EML6: variants seen among roughly 807,000 people sequenced by gnomAD.
The protein encoded by EML6 is EMAP like 6, also known as echinoderm microtubule-associated protein-like 6.
Under a neutral mutation model 240.1 loss-of-function variants are expected in EML6, and 154 were observed. The observed-to-expected ratio is 0.64, with a 90% confidence interval of 0.56 to 0.73. EML6 has a LOEUF of 0.73. EML6 is among the 30% of genes least tolerant of loss of function. The probability of loss-of-function intolerance (pLI) is 0.00; values close to 1 mark genes in which losing one functional copy is unlikely to be tolerated. For synonymous variants in EML6, 1,148 were observed against 899.0 expected (o/e 1.28, Z -4.95); for missense variants, 2,964 against 2,474.6 (o/e 1.20, Z -4.20).
intron 10 of EML6, among the ~76,000 whole-genome samples, chr2:54,851,419 A>C (rs372219968): frequency 6.6e-6 from 1 of 152,134 alleles, no homozygotes; most frequent in Non-Finnish European, 1.5e-5. Flanking sequence ...TCTCAAAATA[A>C]ATAAATAATA....
chr2:54,922,580 T>G (rs990522553), intron 26 of EML6, among the ~76,000 whole-genome samples: 6 of 148,628 alleles, frequency 4.0e-5, no homozygotes, highest in Non-Finnish European at 9.0e-5. Context: ...CTTGAAGAGA[T>G]ATCTACACCA....
At chr2:54,942,028 T>C (rs947397619) in intron 28 of EML6, among the ~76,000 whole-genome samples, 2 of 152,254 alleles carry the variant, frequency 1.3e-5, no homozygotes, top group South Asian at 4.1e-4. Flanking sequence ...ATTCGTTGAT[T>C]TTTTTCTAAG....
rs1668748800 is a variant in EML6 at position 54,829,326 on chromosome 2, C to G, written c.712-16C>G. 1 of 1,550,102 alleles carries G rather than the reference C, an allele frequency of 6.5e-7. No individual in the cohort carries two copies. Among genetic ancestry groups the G allele is most frequent in the Non-Finnish European group, 8.7e-7 (1 of 1,146,112 alleles). On this transcript the variant is annotated splice_polypyrimidine_tract_variant and intron_variant, in intron 6 of 41. Transcript: ENST00000356458. The stretch of plus-strand genomic sequence containing the variant: ...GGATGGTTGCACCATTGAGTATTAC[C>G]TGTTTTAATCAACAGGCTGGAATCT...
In EML6 at chr2:54,850,036, C is replaced by G; in HGVS notation, c.1262C>G (p.Ser421Cys). The change falls in exon 10 of 42, where the codon TCT becomes TGT. Residue 421 changes from serine (S) to cysteine (C), a missense_variant. Physicochemically the swap from Ser to Cys is moderately radical, Grantham distance 112. Transcript: ENST00000356458. The part of the protein sequence containing the change: ...IHEMKFSPDG[S>C]YLAVGSNDGP... ...GAAATGAAATTTTCTCCAGATGGTT[C>G]TTACCTTGCAGTGGGATCCAATGAT... 1 of 1,551,852 alleles carries G rather than the reference C, an allele frequency of 6.4e-7. No homozygotes were observed. The highest frequency in any genetic ancestry group is 8.7e-7 in the Non-Finnish European group (1 of 1,146,966).
At chr2:54,894,894 C>T (rs1672678930) in intron 19 of EML6, 21 bp from the exon 20 acceptor site, 2 of 1,511,494 alleles carry the variant, frequency 1.3e-6, no homozygotes, top group South Asian at 1.2e-5. Flanking sequence ...TATATAATAC[C>T]TCTCATGTGT....
intron 9 of EML6, among the ~76,000 whole-genome samples, chr2:54,848,744 G>T (rs1306431880): frequency 6.6e-6 from 1 of 152,122 alleles, no homozygotes; most frequent in Non-Finnish European, 1.5e-5. Flanking sequence ...TCTCACAATT[G>T]TAGGGAAAAA....
intron 22 of EML6, among the ~76,000 whole-genome samples, chr2:54,900,582 G>A (rs1293488261): frequency 6.6e-6 from 1 of 152,194 alleles, no homozygotes; most frequent in Admixed American, 6.5e-5. Flanking sequence ...CCTGAGAGAA[G>A]CCACGACTGA....
chr2:54,885,957 C>A (rs989455855), intron 17 of EML6, among the ~76,000 whole-genome samples: 1 of 152,040 alleles, frequency 6.6e-6, no homozygotes, highest in Non-Finnish European at 1.5e-5. Flanking sequence ...TCCATCTCTT[C>A]CTTGCCTCTC....
At chr2:54,913,124 G>T (rs1324304017) in intron 25 of EML6, among the ~76,000 whole-genome samples, 3 of 147,446 alleles carry the variant, frequency 2.0e-5, no homozygotes, top group African/African-American at 7.5e-5. Flanking sequence ...AAGGGTGTGA[G>T]ACAGCATCTT....
At chr2:54,792,505 G>A (rs1490717891) in intron 2 of EML6, among the ~76,000 whole-genome samples, 1 of 152,210 alleles carries the variant, frequency 6.6e-6, no homozygotes, top group African/African-American at 2.4e-5. Flanking sequence ...GTCTGTAAAT[G>A]TTGATAGCGG....
intron 38 of EML6, 172 bp from the exon 39 acceptor site, chr2:54,966,828 G>A (rs954119759): frequency 1.3e-5 from 6 of 468,446 alleles, no homozygotes; most frequent in Non-Finnish European, 2.0e-5. Context: ...AAAATGGCCT[G>A]CTGTTGTTGT....
intron 16 of EML6, among the ~76,000 whole-genome samples, chr2:54,877,235 C>T (rs1231507904): frequency 6.6e-6 from 1 of 152,176 alleles, no homozygotes; most frequent in Non-Finnish European, 1.5e-5. Context: ...TCACCTGCCT[C>T]AGCCTCCCAA....
intron 2 of EML6, among the ~76,000 whole-genome samples, chr2:54,803,799 T>A (rs1313207938): frequency 6.6e-6 from 1 of 152,194 alleles, no homozygotes; most frequent in East Asian, 1.9e-4. Context: ...ACAATTGAAA[T>A]TCTCCTCCTC....
At chr2:54,843,039 T>C (rs1669546506) in intron 7 of EML6, among the ~76,000 whole-genome samples, 1 of 152,236 alleles carries the variant, frequency 6.6e-6, no homozygotes, top group South Asian at 2.1e-4. Flanking sequence ...TTTAATATGA[T>C]CATCAGCTGT....
chr2:54,798,463 A>G (rs2103955220), intron 2 of EML6, among the ~76,000 whole-genome samples: 1 of 152,256 alleles, frequency 6.6e-6, no homozygotes, highest in African/African-American at 2.4e-5. Context: ...GTGAGCGACC[A>G]CACCCGGCCA....
At chr2:54,850,914 A>G (rs1035391088) in intron 10 of EML6, among the ~76,000 whole-genome samples, 7 of 152,240 alleles carry the variant, frequency 4.6e-5, no homozygotes, top group Admixed American at 3.9e-4. Flanking sequence ...ATACATCTCA[A>G]AAATATGCTG....
chr2:54,949,630 A>G (rs1675872660), intron 29 of EML6, among the ~76,000 whole-genome samples: 1 of 152,090 alleles, frequency 6.6e-6, no homozygotes, highest in Non-Finnish European at 1.5e-5. Context: ...ATGCCTCCAG[A>G]GTTGGTTTTT....
At chr2:54,864,939 A>C (rs1011690653) in intron 13 of EML6, among the ~76,000 whole-genome samples, 2 of 152,218 alleles carry the variant, frequency 1.3e-5, no homozygotes, top group African/African-American at 4.8e-5. Context: ...AATCATCTTG[A>C]CTGTGCATTG....
intron 4 of EML6, among the ~76,000 whole-genome samples, chr2:54,819,453 A>T (rs774227290): frequency 1.3e-5 from 2 of 152,120 alleles, no homozygotes; most frequent in Admixed American, 6.5e-5. Context: ...AAATAGAACT[A>T]CGTGCAAACT....
Sources: allele counts gnomAD v4.1 joint callset (sites outside exome capture counted in the v4.1 genomes callset), GRCh38; gene constraint gnomAD v4.1.1; transcripts MANE v1.5; gene names NCBI Gene and HGNC (gene_info 2026-07-23, HGNC 2026-07-21).